Variants in BPIFB1 observed in about 807,000 individuals in gnomAD.
The protein encoded by BPIFB1 is BPI fold-containing family B member 1.
Under a neutral mutation model 55.1 loss-of-function variants are expected in BPIFB1, and 34 were observed. The ratio of observed to expected loss-of-function variants is 0.62; its 90% CI spans 0.47 to 0.82. The LOEUF (loss-of-function observed/expected upper bound fraction) is 0.82. Among genes scored for constraint, BPIFB1 ranks in the 40% least tolerant of loss-of-function variants. The pLI, the probability that BPIFB1 is intolerant of heterozygous loss-of-function variation, is 0.00. For synonymous variants in BPIFB1, 236 were observed against 245.3 expected, an observed-to-expected ratio of 0.96 and a Z score of 0.35; for missense variants, 532 against 593.1, an observed-to-expected ratio of 0.90 and a Z score of 1.07.
chr20:33,298,090 T>C (rs1980711932), intron 7 of BPIFB1, among the ~76,000 whole-genome samples: 1 of 152,070 alleles, frequency 6.6e-6, no homozygotes, highest in Non-Finnish European at 1.5e-5. Context: ...GATGCTAAGA[T>C]TACAAGCATG....
rs745664904 is a variant in BPIFB1 at position 33,309,762 on chromosome 20, CAGT to C, written c.1451_1453del (p.Gln484_Ter485delinsArg). 1 of 1,614,002 alleles carries C rather than the reference CAGT, an allele frequency of 6.2e-7. No homozygotes were observed. The highest frequency in any genetic ancestry group is 8.5e-7 in the Non-Finnish European group (1 of 1,179,840). ...GTGGAAACCCAGCTCTCCTGTCTCC[CAGT>C]GAAGACTTGGATGGCAGCCATCAGG... is the stretch of plus-strand genomic sequence containing the variant. On this transcript the variant is annotated stop_lost and inframe_deletion, in exon 16 of 16. Coordinates refer to ENST00000253354, the MANE Select transcript of BPIFB1 (RefSeq NM_033197.3). This position sits in a 1 kb window ranked among gnomAD's most constrained non-coding sequence, Gnocchi z 4.4.
intron 15 of BPIFB1, among the ~76,000 whole-genome samples, chr20:33,308,938 A>C (rs1397733332): frequency 6.7e-6 from 1 of 148,658 alleles, no homozygotes; most frequent in Non-Finnish European, 1.5e-5. Flanking sequence ...ACACATATAC[A>C]CACATACACA....
In BPIFB1 at chr20:33,300,880, G is replaced by A. The variant is rs188137310; in HGVS notation, c.748-353G>A. On this transcript the variant is annotated intron_variant, in intron 8 of 15. Coordinates refer to ENST00000253354, the MANE Select transcript of BPIFB1 (RefSeq NM_033197.3). ...TAAGATTACAAGCATGAGCCAACACGCCTGGCCCCTGGACTAGTTTCTATG... is the reference window on the plus strand; with the variant it reads ...TAAGATTACAAGCATGAGCCAACACACCTGGCCCCTGGACTAGTTTCTATG... Among the ~76,000 whole-genome samples, 30 of 152,302 alleles carry A rather than the reference G, an allele frequency of 2.0e-4. No homozygotes were observed. The East Asian group carries it at 4.4e-3, about 22-fold the overall frequency.
chr20:33,285,226 C>T (rs1376117204), intron 1 of BPIFB1, among the ~76,000 whole-genome samples: 1 of 152,040 alleles, frequency 6.6e-6, no homozygotes, highest in Non-Finnish European at 1.5e-5. Context: ...AAGGCACGGA[C>T]ACAGGAGAGA....
chr20:33,292,567 C>T (rs988386101), intron 6 of BPIFB1, among the ~76,000 whole-genome samples: 3 of 152,160 alleles, frequency 2.0e-5, no homozygotes, highest in African/African-American at 7.2e-5. Flanking sequence ...GGGCTTAGCA[C>T]CCAGCTCAGA....
At chr20:33,303,756 C>T (rs76657465) in intron 11 of BPIFB1, among the ~76,000 whole-genome samples, 3,897 of 152,280 alleles carry the variant, frequency 0.026, 181 homozygotes, top group African/African-American at 0.089. Flanking sequence ...CAAGCCTAGA[C>T]TGTCATCTGT....
intron 7 of BPIFB1, chr20:33,298,794 C>CT (rs11421243): frequency 0.69 from 100,755 of 146,454 alleles, 34,752 homozygotes; most frequent in East Asian, 0.84. Flanking sequence ...TTCCTTTTTT[C>CT]TTTTTTTTTT....
chr20:33,297,950 GAGGAATAAAAGTCTAC>G (rs1980708568), intron 7 of BPIFB1, among the ~76,000 whole-genome samples: 1 of 152,150 alleles, frequency 6.6e-6, no homozygotes, highest in African/African-American at 2.4e-5. Flanking sequence ...GATTGTTAGT[GAGGAATAAAAGTCTAC>G]AGGAAAGTTC....
intron 15 of BPIFB1, among the ~76,000 whole-genome samples, chr20:33,308,737 CAT>C (rs367748330): frequency 6.3e-4 from 96 of 151,598 alleles, no homozygotes; most frequent in Middle Eastern, 6.8e-3. Flanking sequence ...TACACACACA[CAT>C]ACATATTGCA....
At chr20:33,283,431 C>T (rs567287733) in intron 1 of BPIFB1, among the ~76,000 whole-genome samples, 177 bp downstream of exon 1, 196 of 152,242 alleles carry the variant, frequency 1.3e-3, no homozygotes, top group Middle Eastern at 3.4e-3. Flanking sequence ...CTCCCTCGCC[C>T]AGAGGACCAA....
In BPIFB1 at chr20:33,301,485, C is replaced by A. The variant is rs1171596932; in HGVS notation, c.927+73C>A. The A allele has an allele frequency of 2.1e-6, 3 of 1,447,824 alleles. No individual in the cohort carries two copies. In the Admixed American group the frequency reaches 5.7e-5, roughly 27 times the overall value. The allele number at this position is 1,447,824 out of a possible 1,614,324, so 89.7% of individuals were successfully genotyped here. A position where few individuals can be genotyped will look rare whatever the true frequency, so the allele number is the denominator to read the frequency against. ...TAGGAATTTCCTGAACACAGGGTGCCCCTAAGCAGGAATCCTCCATCAGGC... is the reference window on the plus strand; with the variant it reads ...TAGGAATTTCCTGAACACAGGGTGCACCTAAGCAGGAATCCTCCATCAGGC... On this transcript the variant is annotated intron_variant, in intron 9 of 15. Transcript: ENST00000253354.
At chr20:33,294,357 TAATGAATATAATGAAC>T (rs1196775365) in intron 6 of BPIFB1, among the ~76,000 whole-genome samples, 1 of 152,166 alleles carries the variant, frequency 6.6e-6, no homozygotes, top group Non-Finnish European at 1.5e-5. Flanking sequence ...TTGTGTGATA[TAATGAATATAATGAAC>T]AATGAATATA....
At chr20:33,302,754 G>C in intron 10 of BPIFB1, 162 bp from the exon 11 acceptor site, 1 of 801,090 alleles carries the variant, frequency 1.2e-6, no homozygotes, top group African/African-American at 1.7e-5. Flanking sequence ...GCCAGGTAGG[G>C]AGAACAACAC....
intron 15 of BPIFB1, among the ~76,000 whole-genome samples, chr20:33,308,219 C>A (rs6059240): frequency 0.071 from 10,878 of 152,260 alleles, 475 homozygotes; most frequent in African/African-American, 0.13. Context: ...AAACCATTCA[C>A]AAGAAACCAG....
chr20:33,302,497 A>C (rs1200439622), intron 10 of BPIFB1, 85 bp downstream of exon 10: 5 of 1,438,694 alleles, frequency 3.5e-6, no homozygotes, highest in Admixed American at 1.7e-5. Context: ...TAGTGGGACT[A>C]GTGTTTCATT....
At chr20:33,286,995 C>T (rs535418967) in intron 2 of BPIFB1, among the ~76,000 whole-genome samples, 1 of 152,330 alleles carries the variant, frequency 6.6e-6, no homozygotes, top group East Asian at 1.9e-4. Flanking sequence ...TTCAGGGGGA[C>T]TAGGGGCCTG....
At chr20:33,306,124 GC>G (rs970829356) in intron 14 of BPIFB1, 59 bp downstream of exon 14, 38 of 1,579,974 alleles carry the variant, frequency 2.4e-5, no homozygotes, top group Non-Finnish European at 3.5e-6. Flanking sequence ...TACTTCCCCT[GC>G]CCTCATCTCC....
intron 6 of BPIFB1, among the ~76,000 whole-genome samples, chr20:33,295,894 A>AGAAGGAAGGAAG (rs1374482577): frequency 3.7e-5 from 5 of 133,726 alleles, no homozygotes; most frequent in Admixed American, 7.4e-5. Context: ...AAGGAAGGAA[A>AGAAGGAAGGAAG]GAAGGAAGGA....
intron 2 of BPIFB1, among the ~76,000 whole-genome samples, chr20:33,287,127 G>A (rs562210695): frequency 6.6e-6 from 1 of 152,234 alleles, no homozygotes; most frequent in South Asian, 2.1e-4. Context: ...AGGCAGAGGT[G>A]GCCTGGATCC....
Sources: gnomAD v4.1 joint callset for allele counts (sites outside exome capture counted in the v4.1 genomes callset) on GRCh38, gnomAD v4.1.1 for gene constraint, Gnocchi (gnomAD v3.1) non-coding constraint, MANE v1.5 for transcripts, NCBI Gene and HGNC (gene_info 2026-07-23, HGNC 2026-07-21) for gene names.